Variants in ASIC2 observed in about 807,000 individuals in gnomAD.
ASIC2 encodes the protein acid sensing ion channel subunit 2.
ASIC2 carries 25 observed loss-of-function variants against 57.3 expected under a neutral mutation model. That is an observed-to-expected ratio of 0.44 (90% CI 0.32 to 0.61). The LOEUF is 0.61. Among genes scored for constraint, ASIC2 ranks in the 20% least tolerant of loss-of-function variants. The pLI, the probability that ASIC2 is intolerant of heterozygous loss-of-function variation, is 0.06. For synonymous variants in ASIC2, 319 were observed against 307.5 expected (o/e 1.04, Z -0.39); for missense variants, 641 against 738.1 (o/e 0.87, Z 1.52).
At chr17:33,101,260 G>A (rs1031559868) in intron 2 of ASIC2, among the ~76,000 whole-genome samples, 2 of 152,310 alleles carry the variant, frequency 1.3e-5, no homozygotes, top group African/African-American at 2.4e-5. Flanking sequence ...TGTAAAGGGG[G>A]ATAAGAAACG....
chr17:33,633,038 T>A (rs1022964545), intron 1 of ASIC2, among the ~76,000 whole-genome samples: 3 of 152,150 alleles, frequency 2.0e-5, no homozygotes, highest in African/African-American at 7.2e-5. Context: ...CTGTGTGGGT[T>A]CCAGCACAAA....
chr17:33,890,282 A>G (rs570039219), intron 1 of ASIC2, among the ~76,000 whole-genome samples: 3 of 152,290 alleles, frequency 2.0e-5, no homozygotes, highest in South Asian at 4.1e-4. Flanking sequence ...GTCATGCATT[A>G]TAACACCAAC....
At chr17:34,107,196 T>A (rs1911093396) in intron 1 of ASIC2, among the ~76,000 whole-genome samples, 1 of 152,130 alleles carries the variant, frequency 6.6e-6, no homozygotes, top group Admixed American at 6.5e-5. Flanking sequence ...TGACCCTCGG[T>A]ATCATTTACA....
At chr17:33,107,872 C>A (rs1348442190) in intron 2 of ASIC2, among the ~76,000 whole-genome samples, 1 of 152,206 alleles carries the variant, frequency 6.6e-6, no homozygotes, top group Non-Finnish European at 1.5e-5. Flanking sequence ...ATCCACAAGG[C>A]AAGGCAAAAG....
chr17:33,487,483 A>C (rs955527856), intron 1 of ASIC2, among the ~76,000 whole-genome samples: 3 of 152,214 alleles, frequency 2.0e-5, no homozygotes, highest in Non-Finnish European at 4.4e-5. Context: ...TGCAAGTGAC[A>C]ACCTTGCTAA....
At chr17:33,962,819 A>C (rs1358288088) in intron 1 of ASIC2, among the ~76,000 whole-genome samples, 4 of 152,192 alleles carry the variant, frequency 2.6e-5, no homozygotes, top group African/African-American at 9.7e-5. Flanking sequence ...TTTTAGTAAA[A>C]AATGACTAGT....
intron 1 of ASIC2, among the ~76,000 whole-genome samples, chr17:33,417,272 C>G (rs1009310979): frequency 2.0e-5 from 3 of 152,112 alleles, no homozygotes; most frequent in Non-Finnish European, 4.4e-5. Context: ...CCAGTTCAAG[C>G]CCCTAATCCT....
At chr17:33,059,659 C>A (rs941664703) in intron 3 of ASIC2, among the ~76,000 whole-genome samples, 1 of 152,166 alleles carries the variant, frequency 6.6e-6, no homozygotes, top group African/African-American at 2.4e-5. Context: ...ATTTATAGTC[C>A]TTTGGGTATA....
intron 1 of ASIC2, among the ~76,000 whole-genome samples, chr17:33,587,764 T>G (rs1904686589): frequency 6.6e-6 from 1 of 152,222 alleles, no homozygotes; most frequent in Non-Finnish European, 1.5e-5. Context: ...GGACTGAAGT[T>G]GTCTACTCTC....
intron 1 of ASIC2, among the ~76,000 whole-genome samples, chr17:33,206,874 G>A (rs534447695): frequency 7.2e-5 from 11 of 152,274 alleles, no homozygotes; most frequent in African/African-American, 2.6e-4. Flanking sequence ...CGATTTTTGA[G>A]TGTCCCCACA....
chr17:33,382,290 G>T (rs574653559), intron 1 of ASIC2, among the ~76,000 whole-genome samples: 3 of 152,314 alleles, frequency 2.0e-5, no homozygotes, highest in Non-Finnish European at 4.4e-5. Context: ...GATTAAAAAT[G>T]AGAACCTTTT....
At chr17:33,172,420 C>A (rs1397695041) in intron 1 of ASIC2, among the ~76,000 whole-genome samples, 5 of 152,182 alleles carry the variant, frequency 3.3e-5, no homozygotes, top group Non-Finnish European at 7.3e-5. Flanking sequence ...GGCAGATGGG[C>A]AGCTCACAAA....
intron 1 of ASIC2, among the ~76,000 whole-genome samples, chr17:33,524,366 GC>G (rs1914827831): frequency 6.6e-6 from 1 of 152,196 alleles, no homozygotes; most frequent in Non-Finnish European, 1.5e-5. Context: ...TGGCTGACTT[GC>G]CCAAGATTGC....
At chr17:33,051,510 T>A (rs766439471) in intron 3 of ASIC2, among the ~76,000 whole-genome samples, 4 of 152,164 alleles carry the variant, frequency 2.6e-5, no homozygotes, top group Non-Finnish European at 5.9e-5. Flanking sequence ...AATAAGCTGA[T>A]TTACTCCCTG....
At chr17:33,472,859 T>C (rs1432070579) in intron 1 of ASIC2, among the ~76,000 whole-genome samples, 1 of 152,104 alleles carries the variant, frequency 6.6e-6, no homozygotes, top group Non-Finnish European at 1.5e-5. Context: ...GTCCAGGAAT[T>C]CTGGGCCCTA....
intron 1 of ASIC2, among the ~76,000 whole-genome samples, chr17:33,392,342 C>A (rs531025286): frequency 1.3e-5 from 2 of 151,880 alleles, no homozygotes; most frequent in Admixed American, 6.6e-5. Context: ...CCCACTGCAA[C>A]CTCCACCATC....
At chr17:33,825,126 A>G (rs985777752) in intron 1 of ASIC2, among the ~76,000 whole-genome samples, 9 of 152,162 alleles carry the variant, frequency 5.9e-5, no homozygotes, top group African/African-American at 1.9e-4. Context: ...AACTTCACTA[A>G]ATTTACCATG....
At chr17:33,873,326 A>G (rs942215778) in intron 1 of ASIC2, among the ~76,000 whole-genome samples, 1 of 152,228 alleles carries the variant, frequency 6.6e-6, no homozygotes, top group Admixed American at 6.5e-5. Context: ...TCAGAGAGTG[A>G]TAAGTGCTTA....
intron 1 of ASIC2, among the ~76,000 whole-genome samples, chr17:34,066,979 C>T (rs541679240): frequency 2.6e-5 from 4 of 152,316 alleles, no homozygotes; most frequent in Non-Finnish European, 4.4e-5. Context: ...ACTAAAGTGA[C>T]GGCACTACCA....
Sources: allele counts gnomAD v4.1 joint callset (sites outside exome capture counted in the v4.1 genomes callset), GRCh38; gene constraint gnomAD v4.1.1; transcripts MANE v1.5; gene names NCBI Gene and HGNC (gene_info 2026-07-23, HGNC 2026-07-21).